SDR42E1: variants seen among roughly 807,000 people sequenced by gnomAD.
The protein encoded by SDR42E1 is short-chain dehydrogenase/reductase family 42E member 1.
SDR42E1 carries 5 observed loss-of-function variants against 2.6 expected under a neutral mutation model. The observed-to-expected ratio is 1.94, with a 90% CI of 1.01 to 4.08. The LOEUF (loss-of-function observed/expected upper bound fraction) is 4.08, where lower values mean the gene tolerates loss of function less well. Among genes scored for constraint, SDR42E1 ranks in the 30% most tolerant of loss-of-function variants. The pLI, the probability that SDR42E1 is intolerant of heterozygous loss-of-function variation, is 0.00. For missense variants in SDR42E1, 596 were observed against 478.6 expected, an observed-to-expected ratio of 1.25 and a Z score of -2.29; for synonymous variants, 231 against 188.3, an observed-to-expected ratio of 1.23 and a Z score of -1.86.
chr16:82,004,869 G>T (rs888101416), intron 1 of SDR42E1, among the ~76,000 whole-genome samples: 1 of 152,236 alleles, frequency 6.6e-6, no homozygotes, highest in Non-Finnish European at 1.5e-5. Context: ...TCAGGGTGAG[G>T]GCTGGTGAAC....
chr16:81,999,640 C>G lies in SDR42E1; in HGVS notation c.653G>C (p.Ser218Thr). 4 of 1,614,196 alleles carry G rather than the reference C, an allele frequency of 2.5e-6. No individual in the cohort carries two copies. The highest frequency in any genetic ancestry group is 3.4e-6 in the Non-Finnish European group (4 of 1,180,034). Residue 218 changes from serine (S) to threonine (T), a missense_variant, in exon 3 of 3, where the codon AGC becomes ACC. Ser to Thr is a moderately conservative substitution (Grantham distance 58). Transcript: ENST00000328945. ...ATCCACGTGGACAAACTCAACCAGG[C>G]TCCTGGGGTCCCCGTAGACAAACTT... ...LFKFVYGDPR[S>T]LVEFVHVDNL...
chr16:81,991,249 T>C lies in SDR42E1; in HGVS notation c.*7862A>G, dbSNP rs1257696714. The C allele has an allele frequency of 6.6e-6, 1 of 152,200 alleles. No homozygotes were observed. Among genetic ancestry groups the C allele is most frequent in the Non-Finnish European group, 1.5e-5 (1 of 68,034 alleles). The allele number at this position is 152,200 out of a possible 1,614,324, so 9.4% of individuals were successfully genotyped here. A position where few individuals can be genotyped will look rare whatever the true frequency, so the allele number is the denominator to read the frequency against. ...ACACACCTCAGCTCTACGTAATACA[T>C]ACTCACATGACAAAATAATGGTTTG... On this transcript the variant is annotated 3_prime_UTR_variant, in exon 3 of 3. Transcript: ENST00000328945.
rs567068626 is a variant in SDR42E1, at chr16:81,990,725, T to A, written c.*8386A>T. 2 of 152,288 alleles carry A rather than the reference T, an allele frequency of 1.3e-5. No homozygotes were observed. The highest frequency in any genetic ancestry group is 4.1e-4 in the South Asian group (2 of 4,828). 9.4% of individuals were successfully genotyped at this position (152,288 alleles called of 1,614,324 possible). A position where few individuals can be genotyped will look rare whatever the true frequency, so the allele number is the denominator to read the frequency against. ...ATAAGAGATGGCTCCAGGACAGGCA[T>A]AAGGAAGTGCAAGCAAATGCATGAG... On this transcript the variant is annotated 3_prime_UTR_variant, in exon 3 of 3. Coordinates refer to ENST00000328945, the MANE Select transcript of SDR42E1 (RefSeq NM_145168.3).
chr16:82,004,924 G>A (rs1358821090), intron 1 of SDR42E1, among the ~76,000 whole-genome samples: 1 of 152,218 alleles, frequency 6.6e-6, no homozygotes, highest in African/African-American at 2.4e-5. Context: ...GATGTTTTGA[G>A]GAAGATGATG....
rs1245326451 is a variant in SDR42E1, at chr16:81,993,129, G to A, written c.*5982C>T. 6.6e-6 allele frequency: 1 copy of A among 152,114 alleles called. No homozygotes were observed. Among genetic ancestry groups the A allele is most frequent in the Non-Finnish European group, 1.5e-5 (1 of 68,076 alleles). 9.4% of individuals were successfully genotyped at this position (152,114 alleles called of 1,614,324 possible). A position where few individuals can be genotyped will look rare whatever the true frequency, so the allele number is the denominator to read the frequency against. On this transcript the variant is annotated 3_prime_UTR_variant, in exon 3 of 3. Coordinates refer to ENST00000328945, the MANE Select transcript of SDR42E1 (RefSeq NM_145168.3). The stretch of plus-strand genomic sequence containing the variant: ...GCCCTGCATAAAGGAGCAGGTGGGG[G>A]GTCACTCGAATCCAAGGCCCTTTGG...
In SDR42E1 at chr16:81,995,606, G is replaced by C. The variant is rs80238607; in HGVS notation, c.*3505C>G. ...CCTCATCTAATCTTGACTTAGTTACGACAGTTCTAGTGTAGGTTGGCTATT... is the reference window on the plus strand; with the variant it reads ...CCTCATCTAATCTTGACTTAGTTACCACAGTTCTAGTGTAGGTTGGCTATT... On this transcript the variant is annotated 3_prime_UTR_variant, in exon 3 of 3. Coordinates refer to ENST00000328945, the MANE Select transcript of SDR42E1 (RefSeq NM_145168.3). 32 of 152,310 alleles carry C rather than the reference G, an allele frequency of 2.1e-4. No homozygotes were observed. Among genetic ancestry groups the C allele is most frequent in the African/African-American group, 6.3e-4 (26 of 41,558 alleles). 9.4% of individuals were successfully genotyped at this position (152,310 alleles called of 1,614,324 possible). A position where few individuals can be genotyped will look rare whatever the true frequency, so the allele number is the denominator to read the frequency against.
At chr16:82,001,987 CACACAT>C (rs1254269145) in intron 1 of SDR42E1, among the ~76,000 whole-genome samples, 2 of 150,948 alleles carry the variant, frequency 1.3e-5, no homozygotes, top group African/African-American at 4.9e-5. Flanking sequence ...CACACACACA[CACACAT>C]ATACCTGTGC....
Position 81,988,959 on chromosome 16 carries a change from A to AT in SDR42E1, c.*10151dup, listed in dbSNP as rs372600341. The AT allele has an allele frequency of 2.0e-4, 30 of 152,298 alleles. No individual in the cohort carries two copies. Among genetic ancestry groups the AT allele is most frequent in the South Asian group, 1.9e-3 (9 of 4,830 alleles). 9.4% of individuals were successfully genotyped at this position (152,298 alleles called of 1,614,324 possible). The stretch of plus-strand genomic sequence containing the variant: ...ATATTCTATTCTAGTACAAAATGAG[A>AT]TTTTTTCCCCTCAAAATCAGTTCAC... On this transcript the variant is annotated 3_prime_UTR_variant, in exon 3 of 3. Transcript: ENST00000328945.
intron 1 of SDR42E1, among the ~76,000 whole-genome samples, chr16:82,010,446 G>A (rs1357309955): frequency 6.6e-6 from 1 of 152,086 alleles, no homozygotes; most frequent in Non-Finnish European, 1.5e-5. Context: ...CACTGTGAAA[G>A]GAAAATAAAT....
At chr16:82,006,647 C>A (rs60912325) in intron 1 of SDR42E1, among the ~76,000 whole-genome samples, 18,886 of 151,976 alleles carry the variant, frequency 0.12, 3,913 homozygotes, top group African/African-American at 0.43. Context: ...AGAAAAAATT[C>A]GCCAGGCGTG....
In SDR42E1 at chr16:81,998,687, G is replaced by C. The variant is rs560209787; in HGVS notation, c.*424C>G. The C allele has an allele frequency of 2.3e-5, 4 of 174,624 alleles. No homozygotes were observed. The highest frequency in any genetic ancestry group is 5.6e-5 in the Admixed American group (1 of 17,930). The allele number at this position is 174,624 out of a possible 1,614,324, so 10.8% of individuals were successfully genotyped here. A position where few individuals can be genotyped will look rare whatever the true frequency, so the allele number is the denominator to read the frequency against. On this transcript the variant is annotated 3_prime_UTR_variant, in exon 3 of 3. Transcript: ENST00000328945. ...TCTGTTAGGGATCTGGGCCAATTTGGTGTTTTTCACACGCATTCAAGCCTG... is the reference window on the plus strand; with the variant it reads ...TCTGTTAGGGATCTGGGCCAATTTGCTGTTTTTCACACGCATTCAAGCCTG...
At chr16:82,000,431 G>C (rs964835891) in intron 2 of SDR42E1, 2 of 713,934 alleles carry the variant, frequency 2.8e-6, no homozygotes, top group East Asian at 2.7e-5. Context: ...AAATTACAAA[G>C]AGAGAGGCCT....
At position 82,001,118 on chromosome 16, in the gene SDR42E1, T is replaced by C. The variant is rs146848314; in HGVS notation, c.-26-234A>G. ...TGCTCTGCCCACCTGAAAAGGTTAA[T>C]GTGGAGGTTAAATAAGAGAATGTAC... On this transcript the variant is annotated intron_variant, in intron 1 of 2. Coordinates refer to ENST00000328945, the MANE Select transcript of SDR42E1 (RefSeq NM_145168.3). Among the ~76,000 whole-genome samples, 400 of 152,286 alleles carry C rather than the reference T, an allele frequency of 2.6e-3. 1 individual carries two copies. Among genetic ancestry groups the C allele is most frequent in the African/African-American group, 9.3e-3 (387 of 41,546 alleles).
At chr16:82,006,197 C>T (rs1196913461) in intron 1 of SDR42E1, among the ~76,000 whole-genome samples, 4 of 152,130 alleles carry the variant, frequency 2.6e-5, no homozygotes. Flanking sequence ...AATAAAAAAA[C>T]TGTATTTACT....
rs568937836 is a variant in SDR42E1, at chr16:81,996,967, G to C, written c.*2144C>G. 3.3e-5 allele frequency: 5 copies of C among 152,302 alleles called. No homozygotes were observed. Among genetic ancestry groups the C allele is most frequent in the African/African-American group, 1.2e-4 (5 of 41,544 alleles). The allele number at this position is 152,302 out of a possible 1,614,324, so 9.4% of individuals were successfully genotyped here. A position where few individuals can be genotyped will look rare whatever the true frequency, so the allele number is the denominator to read the frequency against. On this transcript the variant is annotated 3_prime_UTR_variant, in exon 3 of 3. Transcript: ENST00000328945. ...TAAAATCTTTTTAAGATCTCAGAAA[G>C]GCCTGATGTGGCACCCCAGAGAGCT...
Position 81,994,174 on chromosome 16 carries a change from G to A in SDR42E1, c.*4937C>T, listed in dbSNP as rs1912490274. On this transcript the variant is annotated 3_prime_UTR_variant, in exon 3 of 3. Coordinates refer to ENST00000328945, the MANE Select transcript of SDR42E1 (RefSeq NM_145168.3). Reference sequence around the variant, plus strand: ...ACGTGAGAGGACGATCTGGAATGATGAGCGTCCCGCAGGCAGCGTTACGGA... The same window carrying A: ...ACGTGAGAGGACGATCTGGAATGATAAGCGTCCCGCAGGCAGCGTTACGGA... 6.6e-6 allele frequency: 1 copy of A among 152,186 alleles called. No homozygotes were observed. Among genetic ancestry groups the A allele is most frequent in the East Asian group, 1.9e-4 (1 of 5,192 alleles). 9.4% of individuals were successfully genotyped at this position (152,186 alleles called of 1,614,324 possible).
At position 81,994,316 on chromosome 16, in the gene SDR42E1, G is replaced by C. The variant is rs1028845700; in HGVS notation, c.*4795C>G. The C allele has an allele frequency of 6.6e-6, 1 of 152,224 alleles. No homozygotes were observed. 9.4% of individuals were successfully genotyped at this position (152,224 alleles called of 1,614,324 possible). A position where few individuals can be genotyped will look rare whatever the true frequency, so the allele number is the denominator to read the frequency against. On this transcript the variant is annotated 3_prime_UTR_variant, in exon 3 of 3. Coordinates refer to ENST00000328945, the MANE Select transcript of SDR42E1 (RefSeq NM_145168.3). ...CTCGGTCCTCTCCTTCAGGTAGGAG[G>C]ACCCTGAAGAGGAGCTGCACCAAGC...
chr16:82,007,386 C>G (rs1912975258), intron 1 of SDR42E1, among the ~76,000 whole-genome samples: 1 of 152,178 alleles, frequency 6.6e-6, no homozygotes, highest in African/African-American at 2.4e-5. Flanking sequence ...TACTCTCTGC[C>G]AGGCATTGTG....
chr16:82,005,225 G>C (rs1001177740), intron 1 of SDR42E1, among the ~76,000 whole-genome samples: 1 of 152,188 alleles, frequency 6.6e-6, no homozygotes, highest in African/African-American at 2.4e-5. Flanking sequence ...TACAACTTCG[G>C]ATTATTAATG....
Sources: gnomAD v4.1 joint callset for allele counts (sites outside exome capture counted in the v4.1 genomes callset) on GRCh38, gnomAD v4.1.1 for gene constraint, MANE v1.5 for transcripts, NCBI Gene and HGNC (gene_info 2026-07-23, HGNC 2026-07-21) for gene names.